Variants in TRPV5 observed in about 807,000 individuals in gnomAD.
The protein encoded by TRPV5 is calcium transport protein 2.
Under a neutral mutation model 74.1 loss-of-function variants are expected in TRPV5, and 66 were observed. The observed-to-expected ratio is 0.89, with a 90% CI of 0.73 to 1.09. The LOEUF (loss-of-function observed/expected upper bound fraction) is 1.09, where lower values mean the gene tolerates loss of function less well. Among genes scored for constraint, TRPV5 ranks in the 50% least tolerant of loss-of-function variants. TRPV5 has a pLI of 0.00. For missense variants in TRPV5, 936 were observed against 930.4 expected (o/e 1.01, Z -0.08); for synonymous variants, 399 against 360.7 (o/e 1.11, Z -1.20).
rs758731434 is a variant in TRPV5 at position 142,909,516 on chromosome 7, G to T, written c.1869C>A (p.Phe623Leu). The change falls in exon 14 of 15, where the codon TTC becomes TTA. Residue 623 changes from phenylalanine (F) to leucine (L), a missense_variant. Transcript: ENST00000265310. ...GCAGGAACCAGCGGTCCCCCAGCCC[G>T]AATTCGCACCCACAGATCCCGGAGC... ...WPRSGICGCE[F>L]GLGDRWFLRV... The T allele has an allele frequency of 6.2e-7, 1 of 1,614,000 alleles. No individual in the cohort carries two copies. The highest frequency in any genetic ancestry group is 2.2e-5 in the East Asian group (1 of 44,876).
intron 8 of TRPV5, among the ~76,000 whole-genome samples, chr7:142,919,438 T>C (rs1435749539): frequency 6.6e-6 from 1 of 152,172 alleles, no homozygotes; most frequent in Non-Finnish European, 1.5e-5. Flanking sequence ...GAAGCGGGGA[T>C]GGAGAGACCT....
rs771893419 is a variant in TRPV5 at position 142,909,538 on chromosome 7, G to C, written c.1847C>G (p.Ser616Cys). The C allele has an allele frequency of 6.2e-7, 1 of 1,614,092 alleles. No individual in the cohort carries two copies. The highest frequency in any genetic ancestry group is 1.7e-5 in the Admixed American group (1 of 60,024). ...RKLPRCLWPRSGICGCEFGLG... is the reference protein window; with the variant it reads ...RKLPRCLWPRCGICGCEFGLG... Reference sequence around the variant, plus strand: ...CCCGAATTCGCACCCACAGATCCCGGAGCGAGGCCACAGGCAGCGAGGCAG... The same window carrying C: ...CCCGAATTCGCACCCACAGATCCCGCAGCGAGGCCACAGGCAGCGAGGCAG... Residue 616 changes from serine to cysteine, a missense_variant, in exon 14 of 15, where the codon TCC becomes TGC. Ser to Cys is a moderately radical substitution (Grantham distance 112). Coordinates refer to ENST00000265310, the MANE Select transcript of TRPV5 (RefSeq NM_019841.7).
chr7:142,913,888 C>A (rs1459635615), intron 12 of TRPV5, among the ~76,000 whole-genome samples: 1 of 152,172 alleles, frequency 6.6e-6, no homozygotes, highest in East Asian at 1.9e-4. Context: ...GCTTTTCAGA[C>A]CTGGGCCTTC....
intron 10 of TRPV5, 58 bp from the exon 11 acceptor site, chr7:142,915,104 A>T (rs2116580330): frequency 6.3e-7 from 1 of 1,588,842 alleles, no homozygotes; most frequent in Non-Finnish European, 8.6e-7. Flanking sequence ...AGGTCCCTAC[A>T]GCATAGTGGT....
rs572998490 is a variant in TRPV5, at chr7:142,931,725, G to A, written c.129-1279C>T. On this transcript the variant is annotated intron_variant, in intron 1 of 14. Transcript: ENST00000265310. ...TTTATTTATTTATTTTTTTTGAGAC[G>A]AAGTCTCACTCTATTGCCCAGACTG... Among the ~76,000 whole-genome samples, 95 of 152,228 alleles carry A rather than the reference G, an allele frequency of 6.2e-4. 1 individual carries two copies. The highest frequency in any genetic ancestry group is 1.2e-3 in the Admixed American group (18 of 15,280).
chr7:142,931,205 G>A (rs1001103756), intron 1 of TRPV5, among the ~76,000 whole-genome samples: 1 of 151,696 alleles, frequency 6.6e-6, no homozygotes, highest in African/African-American at 2.4e-5. Flanking sequence ...TGTATTTTTA[G>A]TAGAGATGGG....
At chr7:142,929,279 T>A in intron 4 of TRPV5, 149 bp downstream of exon 4, 1 of 1,470,394 alleles carries the variant, frequency 6.8e-7, no homozygotes. Context: ...ATCAGGGGAA[T>A]GGGCCTCTGG....
chr7:142,928,199 G>A lies in TRPV5; in HGVS notation c.798C>T (p.Ile266=), dbSNP rs761339917. Residue 266 remains isoleucine, a synonymous_variant, in exon 7 of 15, where the codon ATC becomes ATT. Coordinates refer to ENST00000265310, the MANE Select transcript of TRPV5 (RefSeq NM_019841.7). ...FQHLMQKRRH[I]QWTYGPLTSI... is the part of the protein sequence containing the mutation. The stretch of plus-strand genomic sequence containing the variant: ...AGGTCAGGGGTCCATACGTCCACTG[G>A]ATGTGCCTCCGCTTCTGCATCAGGT... 6 of 1,614,038 alleles carry A rather than the reference G, an allele frequency of 3.7e-6. No homozygotes were observed. The highest frequency in any genetic ancestry group is 3.3e-5 in the Admixed American group (2 of 60,012).
At chr7:142,919,369 G>C (rs546712681) in intron 8 of TRPV5, among the ~76,000 whole-genome samples, 3 of 152,222 alleles carry the variant, frequency 2.0e-5, no homozygotes, top group Non-Finnish European at 4.4e-5. Flanking sequence ...GGAGAGAGGA[G>C]ACAGCAGGTG....
rs745334656 is a variant in TRPV5, at chr7:142,928,847, G to A, written c.606C>T (p.Ile202=). The change falls in exon 6 of 15, where the codon ATC becomes ATT. Residue 202 remains isoleucine (I), a synonymous_variant. Coordinates refer to ENST00000265310, the MANE Select transcript of TRPV5 (RefSeq NM_019841.7). ...QDSLGNTVLH[I]LILQPNKTFA... is the part of the protein sequence containing the mutation. ...AGGTTTTGTTGGGCTGGAGGATGAG[G>A]ATGTGTAATACTGTGTTTCCTGGGG... 6.2e-7 allele frequency: 1 copy of A among 1,614,144 alleles called. No homozygotes were observed. The highest frequency in any genetic ancestry group is 1.1e-5 in the South Asian group (1 of 91,084).
chr7:142,930,998 C>T, intron 1 of TRPV5, among the ~76,000 whole-genome samples: 1 of 146,072 alleles, frequency 6.8e-6, no homozygotes, highest in Non-Finnish European at 1.5e-5. Context: ...CACTAAAGTT[C>T]TGACTACTCC....
At chr7:142,932,736 C>T (rs924300464) in intron 1 of TRPV5, among the ~76,000 whole-genome samples, 3 of 152,160 alleles carry the variant, frequency 2.0e-5, no homozygotes, top group African/African-American at 7.2e-5. Context: ...AAGAGCTCTC[C>T]AGGAGCAGGC....
At chr7:142,924,268 ATATATATATATACATATACATG>A in intron 8 of TRPV5, among the ~76,000 whole-genome samples, 1 of 90,916 alleles carries the variant, frequency 1.1e-5, no homozygotes, top group African/African-American at 8.0e-5. Context: ...ATATATACAT[ATATATATATATACATATACATG>A]TATATATATA....
Position 142,932,721 on chromosome 7 carries a change from G to A in TRPV5, c.128+611C>T, listed in dbSNP as rs1018940366. 8.5e-5 allele frequency among the ~76,000 whole-genome samples: 13 copies of A among 152,098 alleles called. 1 individual carries two copies. Among genetic ancestry groups the A allele is most frequent in the East Asian group, 1.9e-4 (1 of 5,176 alleles). On this transcript the variant is annotated intron_variant, in intron 1 of 14. Coordinates refer to ENST00000265310, the MANE Select transcript of TRPV5 (RefSeq NM_019841.7). Reference sequence around the variant, plus strand: ...ACCTGCAGGTGTGCTAGCCCTGCCCGAACTAAGAGCTCTCCAGGAGCAGGC... The same window carrying A: ...ACCTGCAGGTGTGCTAGCCCTGCCCAAACTAAGAGCTCTCCAGGAGCAGGC...
intron 12 of TRPV5, 92 bp from the exon 13 acceptor site, chr7:142,912,842 A>ATCTG (rs1178949374): frequency 8.8e-6 from 7 of 798,932 alleles, no homozygotes; most frequent in Non-Finnish European, 1.4e-5. Context: ...TCTCTGATCT[A>ATCTG]TCTATCTATC....
At position 142,908,566 on chromosome 7, in the gene TRPV5, T is replaced by A; in HGVS notation, c.2138A>T (p.Asn713Ile). Residue 713 changes from asparagine to isoleucine, a missense_variant, in exon 15 of 15, where the codon AAT becomes ATT. Coordinates refer to ENST00000265310, the MANE Select transcript of TRPV5 (RefSeq NM_019841.7). ...ILRQNTLGHL[N>I]LGLNLSEGDG... is the part of the protein sequence containing the mutation. The stretch of plus-strand genomic sequence containing the variant: ...CCCCTCACTAAGGTTCAGTCCAAGA[T>A]TCAAGTGCCCCAGGGTGTTTTGACG... 2 of 1,614,218 alleles carry A rather than the reference T, an allele frequency of 1.2e-6. No individual in the cohort carries two copies. Among genetic ancestry groups the A allele is most frequent in the East Asian group, 2.2e-5 (1 of 44,880 alleles).
chr7:142,924,391 T>TATACATATATATATATATATAC (rs370191401), intron 8 of TRPV5, among the ~76,000 whole-genome samples: 2 of 112,318 alleles, frequency 1.8e-5, no homozygotes, highest in African/African-American at 9.5e-5. Flanking sequence ...TATATATATA[T>TATACATATATATATATATATAC]ACATATACAT....
intron 8 of TRPV5, among the ~76,000 whole-genome samples, chr7:142,923,967 G>A (rs1795925395): frequency 1.3e-5 from 2 of 152,008 alleles, no homozygotes; most frequent in Admixed American, 1.3e-4. Context: ...ATAGGGCCAG[G>A]AGCATTGGAA....
chr7:142,909,409 G>C (rs1261735346), intron 14 of TRPV5, 81 bp downstream of exon 14: 3 of 1,472,834 alleles, frequency 2.0e-6, no homozygotes, highest in Non-Finnish European at 2.8e-6. Flanking sequence ...GCTAATGTAG[G>C]CTCCAGGACG....
Sources: gnomAD v4.1 joint callset for allele counts (sites outside exome capture counted in the v4.1 genomes callset) on GRCh38, gnomAD v4.1.1 for gene constraint, MANE v1.5 for transcripts, NCBI Gene and HGNC (gene_info 2026-07-23, HGNC 2026-07-21) for gene names.